Variants in THSD7B observed in about 807,000 individuals in gnomAD.
THSD7B encodes the protein thrombospondin type 1 domain containing 7B, also known as thrombospondin type-1 domain-containing protein 7B.
Under a neutral mutation model 213.6 loss-of-function variants are expected in THSD7B, and 138 were observed. That is an observed-to-expected ratio of 0.65 (90% CI 0.56 to 0.74). THSD7B has a LOEUF of 0.74. Ranked by LOEUF, THSD7B falls within the 30% of genes least tolerant of loss-of-function variation. The pLI is 0.00. For synonymous variants in THSD7B, 742 were observed against 687.0 expected (o/e 1.08, Z -1.25); for missense variants, 1,931 against 1,991.5 (o/e 0.97, Z 0.58).
At chr2:137,068,855 G>A (rs181061698) in intron 3 of THSD7B, among the ~76,000 whole-genome samples, 63 of 152,140 alleles carry the variant, frequency 4.1e-4, no homozygotes, top group Middle Eastern at 3.4e-3. Flanking sequence ...AACAGGAAGA[G>A]CTTGTCTTTA....
intron 15 of THSD7B, among the ~76,000 whole-genome samples, chr2:137,457,103 C>G (rs1364308365): frequency 1.3e-5 from 2 of 152,146 alleles, no homozygotes; most frequent in Non-Finnish European, 2.9e-5. Flanking sequence ...TCCTCTCCCC[C>G]AACATTTGTA....
rs565813271 is a variant in THSD7B, at chr2:137,013,478, G to T, written c.140-42942G>T. On this transcript the variant is annotated intron_variant, in intron 2 of 27. Coordinates refer to ENST00000409968, the MANE Select transcript of THSD7B (RefSeq NM_001316349.2). ...TTAGGATAGGGTACAAGAAAGGAGAGAACTGCACAGAGAGAGGAAGTTCCA... is the reference window on the plus strand; with the variant it reads ...TTAGGATAGGGTACAAGAAAGGAGATAACTGCACAGAGAGAGGAAGTTCCA... Among the ~76,000 whole-genome samples the T allele has an allele frequency of 3.3e-5, 5 of 152,258 alleles. No homozygotes were observed. The South Asian group carries it at 1.0e-3, about 32-fold the overall frequency.
intron 12 of THSD7B, among the ~76,000 whole-genome samples, chr2:137,278,566 G>A (rs957159868): frequency 1.3e-5 from 2 of 152,102 alleles, no homozygotes; most frequent in African/African-American, 4.8e-5. Flanking sequence ...GAATAAATCA[G>A]TATGCACACT....
At chr2:137,509,878 C>G (rs1228683034) in intron 15 of THSD7B, among the ~76,000 whole-genome samples, 3 of 152,088 alleles carry the variant, frequency 2.0e-5, no homozygotes, top group Non-Finnish European at 4.4e-5. Context: ...AATATGAAAT[C>G]TCTTTCTTTA....
intron 21 of THSD7B, among the ~76,000 whole-genome samples, chr2:137,648,162 A>T (rs1028809911): frequency 1.3e-5 from 2 of 152,200 alleles, no homozygotes; most frequent in Non-Finnish European, 2.9e-5. Flanking sequence ...TATTCATATA[A>T]TTCGTAAATA....
At chr2:136,937,940 A>T (rs918411611) in intron 2 of THSD7B, among the ~76,000 whole-genome samples, 2 of 152,216 alleles carry the variant, frequency 1.3e-5, no homozygotes, top group African/African-American at 4.8e-5. Flanking sequence ...TTCATACCAC[A>T]TGAGTAGGGC....
At chr2:137,199,753 A>C (rs1410118920) in intron 7 of THSD7B, among the ~76,000 whole-genome samples, 1 of 152,194 alleles carries the variant, frequency 6.6e-6, no homozygotes, top group Non-Finnish European at 1.5e-5. Context: ...ATTAAAAGTT[A>C]TTGTGTATGT....
At chr2:137,145,725 C>A (rs1166982305) in intron 5 of THSD7B, among the ~76,000 whole-genome samples, 1 of 151,992 alleles carries the variant, frequency 6.6e-6, no homozygotes, top group Non-Finnish European at 1.5e-5. Flanking sequence ...AAAAAGATTG[C>A]TGCACCTGTA....
At chr2:137,106,121 A>C (rs908235120) in intron 4 of THSD7B, among the ~76,000 whole-genome samples, 6 of 152,108 alleles carry the variant, frequency 3.9e-5, no homozygotes, top group African/African-American at 1.4e-4. Context: ...AAGCTGGAGG[A>C]ATCACGCTAC....
chr2:137,343,943 T>C lies in THSD7B; in HGVS notation c.2501-61670T>C, dbSNP rs79802471. 4.0e-5 allele frequency among the ~76,000 whole-genome samples: 6 copies of C among 151,712 alleles called. No individual in the cohort carries two copies. In the South Asian group the frequency reaches 6.2e-4, roughly 16 times the overall value. ...AGGAAGCACTAATCTCAAATACACATGTTGAGTTCTTTGAAATGGCCTAAA... is the reference window on the plus strand; with the variant it reads ...AGGAAGCACTAATCTCAAATACACACGTTGAGTTCTTTGAAATGGCCTAAA... On this transcript the variant is annotated intron_variant, in intron 12 of 27. Transcript: ENST00000409968.
intron 14 of THSD7B, among the ~76,000 whole-genome samples, chr2:137,427,171 T>C (rs949316566): frequency 6.6e-6 from 1 of 152,164 alleles, no homozygotes; most frequent in African/African-American, 2.4e-5. Flanking sequence ...AAAGAGAACC[T>C]TTCTTTATAC....
chr2:137,249,205 C>T (rs771047414), intron 10 of THSD7B, among the ~76,000 whole-genome samples: 2 of 151,956 alleles, frequency 1.3e-5, no homozygotes, highest in Non-Finnish European at 2.9e-5. Flanking sequence ...GGAAAAAGTT[C>T]ATGGATAAAA....
intron 15 of THSD7B, among the ~76,000 whole-genome samples, chr2:137,466,596 G>T (rs576510475): frequency 1.3e-5 from 2 of 152,194 alleles, no homozygotes; most frequent in South Asian, 4.2e-4. Flanking sequence ...GAAGCCAAAA[G>T]ATTGGACACG....
intron 7 of THSD7B, among the ~76,000 whole-genome samples, chr2:137,209,369 A>T (rs1306280441): frequency 1.3e-5 from 2 of 152,078 alleles, no homozygotes; most frequent in African/African-American, 4.8e-5. Flanking sequence ...CCATTAAAAA[A>T]TGGGTGGATT....
At chr2:137,596,917 G>T (rs1681971852) in intron 17 of THSD7B, among the ~76,000 whole-genome samples, 1 of 152,048 alleles carries the variant, frequency 6.6e-6, no homozygotes, top group Non-Finnish European at 1.5e-5. Context: ...AACTGTAAGG[G>T]ATGCTAGAGA....
chr2:137,117,083 A>G (rs1231057713), intron 5 of THSD7B, among the ~76,000 whole-genome samples: 1 of 152,196 alleles, frequency 6.6e-6, no homozygotes, highest in Non-Finnish European at 1.5e-5. Context: ...AGTGAGTAAA[A>G]CTATGCTGGA....
At chr2:137,130,983 A>C (rs913292366) in intron 5 of THSD7B, among the ~76,000 whole-genome samples, 2 of 151,564 alleles carry the variant, frequency 1.3e-5, no homozygotes, top group African/African-American at 2.4e-5. Context: ...GAACTAGTTT[A>C]CAGTCCCACC....
At chr2:137,071,961 G>A (rs987540621) in intron 3 of THSD7B, among the ~76,000 whole-genome samples, 5 of 152,094 alleles carry the variant, frequency 3.3e-5, no homozygotes, top group African/African-American at 1.2e-4. Flanking sequence ...TGTTCCATTG[G>A]TCTATATCTC....
chr2:136,837,823 C>T (rs1445051199), intron 1 of THSD7B, among the ~76,000 whole-genome samples: 3 of 152,152 alleles, frequency 2.0e-5, no homozygotes, highest in African/African-American at 7.2e-5. Flanking sequence ...ATATATCCTC[C>T]TACCTTGCAA....
Sources: gnomAD v4.1 joint callset for allele counts (sites outside exome capture counted in the v4.1 genomes callset) on GRCh38, gnomAD v4.1.1 for gene constraint, MANE v1.5 for transcripts, NCBI Gene and HGNC (gene_info 2026-07-23, HGNC 2026-07-21) for gene names.